Variants in DMD observed in about 807,000 individuals in gnomAD.
DMD encodes mutant dystrophin.
DMD carries 63 observed loss-of-function variants against 330.1 expected under a neutral mutation model. The observed-to-expected ratio is 0.19, with a 90% CI of 0.16 to 0.24. The LOEUF (loss-of-function observed/expected upper bound fraction) is 0.24, where lower values mean the gene tolerates loss of function less well. Ranked by LOEUF, DMD falls within the 10% of genes least tolerant of loss-of-function variation. The probability of loss-of-function intolerance (pLI) is 1.00; values close to 1 mark genes in which losing one functional copy is unlikely to be tolerated. For missense variants in DMD, 3,344 were observed against 2,684.1 expected (o/e 1.25, Z -5.43); for synonymous variants, 1,223 against 959.8 (o/e 1.27, Z -5.07).
intron 44 of DMD, among the ~76,000 whole-genome samples, chrX:32,027,564 C>T (rs1454657348): frequency 1.8e-5 from 2 of 111,854 alleles, no homozygotes; most frequent in African/African-American, 6.5e-5. Flanking sequence ...CCCTGAACTA[C>T]AGTCTTAAGA....
At chrX:32,256,944 C>T in intron 43 of DMD, among the ~76,000 whole-genome samples, 1 of 110,870 alleles carries the variant, frequency 9.0e-6, no homozygotes, top group Non-Finnish European at 1.9e-5. Context: ...CTGCCCCTAA[C>T]ATTACGAGCA....
intron 44 of DMD, among the ~76,000 whole-genome samples, chrX:32,126,187 C>T (rs2096660652): frequency 8.9e-6 from 1 of 112,308 alleles, no homozygotes; most frequent in Non-Finnish European, 1.9e-5. Flanking sequence ...CACATTGGTA[C>T]ATGTGTTTTA....
At chrX:32,356,572 C>T (rs2097801678) in intron 37 of DMD, among the ~76,000 whole-genome samples, 1 of 110,076 alleles carries the variant, frequency 9.1e-6, no homozygotes, top group South Asian at 3.8e-4. Context: ...GAACATATGC[C>T]AGATATATCC....
At chrX:32,521,042 T>C (rs2046372424) in intron 17 of DMD, among the ~76,000 whole-genome samples, 1 of 111,738 alleles carries the variant, frequency 8.9e-6, no homozygotes, top group Non-Finnish European at 1.9e-5. Context: ...GACCCGCATA[T>C]GTAGCCACCG....
chrX:32,686,384 C>T (rs2147400277), intron 9 of DMD, among the ~76,000 whole-genome samples: 1 of 109,038 alleles, frequency 9.2e-6, no homozygotes, highest in East Asian at 2.9e-4. Context: ...ATGGGGAAAC[C>T]TCGTCTCTAC....
intron 13 of DMD, among the ~76,000 whole-genome samples, chrX:32,588,262 A>T (rs751054969): frequency 9.2e-4 from 103 of 112,285 alleles, no homozygotes; most frequent in African/African-American, 3.2e-3. Flanking sequence ...TCGGTGCCCA[A>T]ACAGACACAA....
intron 60 of DMD, among the ~76,000 whole-genome samples, chrX:31,415,359 A>G (rs1026882851): frequency 8.9e-6 from 1 of 112,313 alleles, no homozygotes; most frequent in African/African-American, 3.2e-5. Flanking sequence ...TCTAAAATCA[A>G]CAAATTCTCT....
intron 2 of DMD, among the ~76,000 whole-genome samples, chrX:32,914,076 C>T (rs1199507169): frequency 8.9e-6 from 1 of 111,858 alleles, no homozygotes; most frequent in African/African-American, 3.3e-5. Context: ...GAAATCCAAA[C>T]TAAGACAAAC....
At chrX:31,986,749 A>G (rs910343880) in intron 44 of DMD, among the ~76,000 whole-genome samples, 2 of 112,205 alleles carry the variant, frequency 1.8e-5, no homozygotes, top group Admixed American at 9.4e-5. Flanking sequence ...AAACTTTTCT[A>G]CACTGAGCTT....
intron 62 of DMD, 97 bp from the exon 63 acceptor site, chrX:31,261,113 G>C: frequency 1.3e-6 from 1 of 775,686 alleles, no homozygotes; most frequent in East Asian, 3.4e-5. Flanking sequence ...CATGATTTTT[G>C]CTTTTGAACC....
chrX:31,902,900 C>A (rs1181786862), intron 47 of DMD, among the ~76,000 whole-genome samples: 1 of 111,020 alleles, frequency 9.0e-6, no homozygotes, highest in African/African-American at 3.3e-5. Context: ...AAGGGAAAAC[C>A]TATTTTCAAC....
intron 1 of DMD, among the ~76,000 whole-genome samples, chrX:33,099,400 T>G (rs1333548377): frequency 9.0e-6 from 1 of 111,112 alleles, no homozygotes; most frequent in Non-Finnish European, 1.9e-5. Context: ...AGGGGCCACC[T>G]GCATCACAGT....
intron 50 of DMD, among the ~76,000 whole-genome samples, chrX:31,817,031 C>CCTTG (rs1480013039): frequency 9.0e-6 from 1 of 111,273 alleles, no homozygotes; most frequent in Non-Finnish European, 1.9e-5. Flanking sequence ...GGACTGAAAC[C>CCTTG]CTTGCTTGCT....
chrX:31,658,788 C>A (rs1410344225), intron 53 of DMD, among the ~76,000 whole-genome samples: 1 of 112,435 alleles, frequency 8.9e-6, no homozygotes, highest in Non-Finnish European at 1.9e-5. Flanking sequence ...AACTTGCTAT[C>A]TCATCACTTG....
intron 42 of DMD, among the ~76,000 whole-genome samples, chrX:32,301,804 A>G (rs1295592778): frequency 9.0e-6 from 1 of 111,372 alleles, no homozygotes. Flanking sequence ...CACAATTAGA[A>G]CAATGGGTTT....
At chrX:31,135,565 T>C (rs779218038) in intron 76 of DMD, among the ~76,000 whole-genome samples, 1 of 111,886 alleles carries the variant, frequency 8.9e-6, no homozygotes, top group East Asian at 2.8e-4. Context: ...AAGAAACCTA[T>C]GGATGGATGA....
chrX:32,053,060 G>A (rs1316406476), intron 44 of DMD, among the ~76,000 whole-genome samples: 3 of 111,523 alleles, frequency 2.7e-5, no homozygotes, highest in Non-Finnish European at 5.7e-5. Flanking sequence ...CCACACCACT[G>A]CTAGATTTAT....
At chrX:32,561,892 C>A (rs1372599815) in intron 16 of DMD, among the ~76,000 whole-genome samples, 2 of 111,561 alleles carry the variant, frequency 1.8e-5, no homozygotes, top group African/African-American at 3.3e-5. Context: ...ATATTCAACA[C>A]CGTGAAAGAA....
At chrX:32,221,627 A>G (rs1414299979) in intron 43 of DMD, among the ~76,000 whole-genome samples, 1 of 111,780 alleles carries the variant, frequency 8.9e-6, no homozygotes, top group Non-Finnish European at 1.9e-5. Context: ...GTATAGAAGT[A>G]AAATCAGATA....
Sources: gnomAD v4.1 joint callset for allele counts (sites outside exome capture counted in the v4.1 genomes callset) on GRCh38, gnomAD v4.1.1 for gene constraint, MANE v1.5 for transcripts, NCBI Gene and HGNC (gene_info 2026-07-23, HGNC 2026-07-21) for gene names.